Variants in GDAP2 observed in about 807,000 individuals in gnomAD.
GDAP2 encodes the protein ganglioside-induced differentiation-associated protein 2.
In GDAP2, 51 loss-of-function variants were observed where a neutral mutation model predicts 67.0. The ratio of observed to expected loss-of-function variants is 0.76; its 90% CI spans 0.61 to 0.96. The LOEUF (loss-of-function observed/expected upper bound fraction) is 0.96. Among genes scored for constraint, GDAP2 ranks in the 40% least tolerant of loss-of-function variants. GDAP2 has a pLI of 0.00. For synonymous variants in GDAP2, 203 were observed against 207.3 expected (o/e 0.98, Z 0.18); for missense variants, 547 against 588.3 (o/e 0.93, Z 0.73).
intron 8 of GDAP2, among the ~76,000 whole-genome samples, chr1:117,893,642 G>C (rs1011224906): frequency 6.6e-6 from 1 of 152,148 alleles, no homozygotes; most frequent in South Asian, 2.1e-4. Flanking sequence ...AATATCAAGA[G>C]AAAGAAATTT....
rs144019489 is a variant in GDAP2 at position 117,911,007 on chromosome 1, C to A, written c.559+987G>T. 6.6e-4 allele frequency among the ~76,000 whole-genome samples: 100 copies of A among 152,276 alleles called. 1 individual carries two copies. The East Asian group carries it at 0.015, about 24-fold the overall frequency. On this transcript the variant is annotated intron_variant, in intron 5 of 13. Coordinates refer to ENST00000369443, the MANE Select transcript of GDAP2 (RefSeq NM_017686.4). ...TAGTTTATGACAATATCCCAAAGAA[C>A]TGCTGCTTGAAAAATGTAGCACAGA...
intron 10 of GDAP2, among the ~76,000 whole-genome samples, chr1:117,885,364 C>T (rs1024379280): frequency 6.6e-5 from 10 of 152,104 alleles, no homozygotes; most frequent in Admixed American, 3.3e-4. Context: ...AATTCTCCCC[C>T]AAACCATGAA....
At chr1:117,920,899 A>G (rs546697867) in intron 1 of GDAP2, among the ~76,000 whole-genome samples, 1 of 152,340 alleles carries the variant, frequency 6.6e-6, no homozygotes, top group South Asian at 2.1e-4. Flanking sequence ...GGTTTCAACT[A>G]GGAAAGGAGA....
intron 11 of GDAP2, among the ~76,000 whole-genome samples, chr1:117,882,693 C>T (rs145876797): frequency 1.6e-3 from 246 of 152,126 alleles, no homozygotes; most frequent in Non-Finnish European, 2.6e-3. Flanking sequence ...TCAGAGTAAG[C>T]TAAAAAGGTG....
intron 6 of GDAP2, among the ~76,000 whole-genome samples, chr1:117,901,707 TATC>T (rs1649476134): frequency 6.6e-6 from 1 of 152,228 alleles, no homozygotes; most frequent in Non-Finnish European, 1.5e-5. Flanking sequence ...TTTTCTATTT[TATC>T]ATGTTTTCAC....
intron 8 of GDAP2, among the ~76,000 whole-genome samples, chr1:117,892,095 T>C (rs537962706): frequency 2.3e-4 from 35 of 152,262 alleles, no homozygotes; most frequent in Middle Eastern, 6.8e-3. Context: ...ACACTGGTCC[T>C]GTTCTGGTTT....
chr1:117,888,512 A>T (rs759607958), intron 8 of GDAP2, among the ~76,000 whole-genome samples: 1 of 152,172 alleles, frequency 6.6e-6, no homozygotes, highest in Non-Finnish European at 1.5e-5. Flanking sequence ...CCAGCCTATT[A>T]AATAGTAGAG....
intron 9 of GDAP2, 109 bp from the exon 10 acceptor site, chr1:117,886,762 C>G: frequency 1.5e-6 from 1 of 684,704 alleles, no homozygotes; most frequent in East Asian, 2.6e-5. Flanking sequence ...AGATTGAAAA[C>G]AAGGAAGTAT....
intron 10 of GDAP2, among the ~76,000 whole-genome samples, chr1:117,885,640 G>GT (rs976609836): frequency 6.6e-6 from 1 of 152,014 alleles, no homozygotes; most frequent in Non-Finnish European, 1.5e-5. Flanking sequence ...TGCTTTCACA[G>GT]TTTTTTTTAC....
In GDAP2 at chr1:117,896,842, T is replaced by TGCTGCTTCTGCAGA. The variant is rs1557801612; in HGVS notation, c.930_943dup (p.His315LeufsTer28). On this transcript the variant is annotated frameshift_variant, in exon 8 of 14. Transcript: ENST00000369443. LOFTEE classifies it high-confidence loss of function. ...TGAAGGGTTGTCTTACTTTCTTTGA[T>TGCTGCTTCTGCAGA]GCTGCTTCTGCAGAGCTGCCTCTGA... 1 of 1,610,626 alleles carries TGCTGCTTCTGCAGA rather than the reference T, an allele frequency of 6.2e-7. No individual in the cohort carries two copies. Among genetic ancestry groups the TGCTGCTTCTGCAGA allele is most frequent in the Non-Finnish European group, 8.5e-7 (1 of 1,178,438 alleles).
intron 8 of GDAP2, among the ~76,000 whole-genome samples, chr1:117,890,152 A>T (rs1040162397): frequency 6.6e-5 from 10 of 152,068 alleles, no homozygotes; most frequent in Non-Finnish European, 1.2e-4. Context: ...TATCAATCAA[A>T]TATGTATGCT....
intron 8 of GDAP2, among the ~76,000 whole-genome samples, chr1:117,888,193 GT>G (rs1280289494): frequency 6.6e-6 from 1 of 152,194 alleles, no homozygotes; most frequent in East Asian, 1.9e-4. Context: ...CTCTATGATA[GT>G]TACTGAGAAT....
At chr1:117,896,457 C>T (rs113677395) in intron 8 of GDAP2, among the ~76,000 whole-genome samples, 1 of 152,176 alleles carries the variant, frequency 6.6e-6, no homozygotes, top group Non-Finnish European at 1.5e-5. Flanking sequence ...TTTAATTCAA[C>T]TGTAGATTAT....
At chr1:117,917,968 A>G (rs1013341176) in intron 3 of GDAP2, among the ~76,000 whole-genome samples, 3 of 152,180 alleles carry the variant, frequency 2.0e-5, no homozygotes, top group African/African-American at 7.2e-5. Context: ...AAAAAATGCA[A>G]TTCTTCCCAT....
chr1:117,920,146 T>C (rs754212841), intron 2 of GDAP2, 36 bp downstream of exon 2: 3 of 1,199,774 alleles, frequency 2.5e-6, no homozygotes, highest in South Asian at 1.4e-5. Flanking sequence ...TGAGAAAGTG[T>C]TATCTCCTCA....
chr1:117,923,808 T>A (rs1216195618), intron 1 of GDAP2, among the ~76,000 whole-genome samples: 2 of 152,256 alleles, frequency 1.3e-5, no homozygotes, highest in Non-Finnish European at 2.9e-5. Flanking sequence ...TATATACTCA[T>A]ATAGCCTTTT....
chr1:117,914,010 G>C (rs960148117), intron 3 of GDAP2, among the ~76,000 whole-genome samples: 2 of 152,152 alleles, frequency 1.3e-5, no homozygotes, highest in African/African-American at 4.8e-5. Context: ...CTGGCACCCT[G>C]ATCTTGGATT....
intron 13 of GDAP2, chr1:117,877,304 T>C: frequency 8.3e-6 from 8 of 963,208 alleles, no homozygotes; most frequent in Non-Finnish European, 9.9e-6. Context: ...TTAATATAAC[T>C]TTCAAATCTA....
chr1:117,888,783 A>C (rs910317374), intron 8 of GDAP2, among the ~76,000 whole-genome samples: 2 of 152,112 alleles, frequency 1.3e-5, no homozygotes, highest in African/African-American at 4.8e-5. Flanking sequence ...AAACTTACTA[A>C]AGTCATTTAC....
Sources: allele counts gnomAD v4.1 joint callset (sites outside exome capture counted in the v4.1 genomes callset), GRCh38; gene constraint gnomAD v4.1.1; transcripts MANE v1.5; gene names NCBI Gene and HGNC (gene_info 2026-07-23, HGNC 2026-07-21).